Variants in ARHGAP44 observed in about 807,000 individuals in gnomAD.
ARHGAP44 encodes rho GTPase-activating protein 44.
ARHGAP44 carries 43 observed loss-of-function variants against 106.8 expected under a neutral mutation model. The observed-to-expected ratio is 0.40, with a 90% CI of 0.32 to 0.52. ARHGAP44 has a LOEUF of 0.52. ARHGAP44 is among the 20% of genes least tolerant of loss of function. The probability of loss-of-function intolerance (pLI) is 0.48; values close to 1 mark genes in which losing one functional copy is unlikely to be tolerated. For missense variants in ARHGAP44, 866 were observed against 1,050.5 expected, an observed-to-expected ratio of 0.82 and a Z score of 2.43; for synonymous variants, 439 against 410.3, an observed-to-expected ratio of 1.07 and a Z score of -0.85.
intron 1 of ARHGAP44, among the ~76,000 whole-genome samples, chr17:12,869,221 C>T (rs987662564): frequency 6.6e-6 from 1 of 151,928 alleles, no homozygotes; most frequent in African/African-American, 2.4e-5. Context: ...TATTTTGGAA[C>T]GAGCAAGAAA....
intron 1 of ARHGAP44, among the ~76,000 whole-genome samples, chr17:12,836,418 C>T (rs1247422689): frequency 6.6e-6 from 1 of 151,954 alleles, no homozygotes; most frequent in African/African-American, 2.4e-5. Flanking sequence ...GAGGCTGAGG[C>T]GGGCGGATCA....
chr17:12,848,790 G>T lies in ARHGAP44; in HGVS notation c.54-46150G>T, dbSNP rs573261957. Reference sequence around the variant, plus strand: ...AGGCTGGGCACGGTGGCTCATGCCTGTAATCCAGCACTTTGGGAGGCCAAG... The same window carrying T: ...AGGCTGGGCACGGTGGCTCATGCCTTTAATCCAGCACTTTGGGAGGCCAAG... On this transcript the variant is annotated intron_variant, in intron 1 of 20. Coordinates refer to ENST00000379672, the MANE Select transcript of ARHGAP44 (RefSeq NM_014859.6). Among the ~76,000 whole-genome samples the T allele has an allele frequency of 2.0e-5, 3 of 152,300 alleles. No individual in the cohort carries two copies. The East Asian group carries it at 5.8e-4, about 29-fold the overall frequency.
intron 1 of ARHGAP44, among the ~76,000 whole-genome samples, chr17:12,878,794 A>G (rs1265459569): frequency 6.6e-6 from 1 of 152,186 alleles, no homozygotes; most frequent in Non-Finnish European, 1.5e-5. Flanking sequence ...TCTTTTCCCC[A>G]GTCAGTAAAA....
At chr17:12,954,840 CT>C (rs1374095924) in intron 13 of ARHGAP44, among the ~76,000 whole-genome samples, 6 of 151,992 alleles carry the variant, frequency 3.9e-5, no homozygotes, top group African/African-American at 1.5e-4. Context: ...TTTGTTGGCT[CT>C]TTTTATAAAA....
At chr17:12,863,810 G>A (rs1204063063) in intron 1 of ARHGAP44, among the ~76,000 whole-genome samples, 2 of 152,130 alleles carry the variant, frequency 1.3e-5, no homozygotes. Context: ...TTTTCCTCTT[G>A]AATCTGCTAT....
chr17:12,789,992 C>G, intron 1 of ARHGAP44, 101 bp downstream of exon 1: 1 of 1,181,824 alleles, frequency 8.5e-7, no homozygotes, highest in Non-Finnish European at 1.2e-6. Flanking sequence ...TCCTCCTTGC[C>G]TCAGTCCTTT....
intron 7 of ARHGAP44, among the ~76,000 whole-genome samples, chr17:12,937,733 C>T (rs1234737326): frequency 6.6e-6 from 1 of 152,148 alleles, no homozygotes; most frequent in Non-Finnish European, 1.5e-5. Context: ...GTGTGATTTT[C>T]ACCAAGAAAA....
intron 18 of ARHGAP44, among the ~76,000 whole-genome samples, chr17:12,974,981 C>G (rs1341180779): frequency 1.3e-5 from 2 of 151,822 alleles, no homozygotes; most frequent in African/African-American, 2.4e-5. Context: ...TCCCAAGTAG[C>G]TGGGATTACA....
intron 1 of ARHGAP44, among the ~76,000 whole-genome samples, chr17:12,891,905 C>T (rs780675941): frequency 1.3e-4 from 20 of 151,710 alleles, no homozygotes; most frequent in Non-Finnish European, 2.2e-4. Flanking sequence ...AAGCGATTCT[C>T]CTGCCTCAGC....
At chr17:12,855,743 G>A (rs562698456) in intron 1 of ARHGAP44, among the ~76,000 whole-genome samples, 60 of 152,246 alleles carry the variant, frequency 3.9e-4, no homozygotes, top group African/African-American at 1.4e-3. Context: ...GTCCAATTAA[G>A]TGAGCGATTA....
chr17:12,910,920 A>G (rs1361321383), intron 4 of ARHGAP44, among the ~76,000 whole-genome samples: 3 of 152,066 alleles, frequency 2.0e-5, no homozygotes, highest in Middle Eastern at 3.2e-3. Context: ...AGTGTCAAAT[A>G]TGCATGTTAT....
intron 1 of ARHGAP44, among the ~76,000 whole-genome samples, chr17:12,883,364 CTATAT>C (rs2036792676): frequency 6.6e-6 from 1 of 150,952 alleles, no homozygotes; most frequent in Non-Finnish European, 1.5e-5. Context: ...ATGATTTTTA[CTATAT>C]TATTAGTTTC....
chr17:12,961,367 A>G (rs1222648207), intron 16 of ARHGAP44, among the ~76,000 whole-genome samples: 1 of 152,222 alleles, frequency 6.6e-6, no homozygotes, highest in Non-Finnish European at 1.5e-5. Flanking sequence ...GCCACCATCT[A>G]CTTTAAGAGT....
intron 4 of ARHGAP44, among the ~76,000 whole-genome samples, chr17:12,914,212 T>G (rs1409240966): frequency 1.3e-5 from 2 of 152,122 alleles, no homozygotes; most frequent in Non-Finnish European, 1.5e-5. Flanking sequence ...GAATGTAAAT[T>G]AAAACCAGAA....
chr17:12,867,358 T>C (rs1262950526), intron 1 of ARHGAP44, among the ~76,000 whole-genome samples: 4 of 152,126 alleles, frequency 2.6e-5, no homozygotes, highest in Non-Finnish European at 5.9e-5. Context: ...GTCATAGCCC[T>C]GCCCTGCTAG....
At chr17:12,879,873 GT>G (rs1467800042) in intron 1 of ARHGAP44, among the ~76,000 whole-genome samples, 1 of 151,730 alleles carries the variant, frequency 6.6e-6, no homozygotes, top group Non-Finnish European at 1.5e-5. Context: ...AACATATGTA[GT>G]CAATTAACAC....
intron 1 of ARHGAP44, among the ~76,000 whole-genome samples, chr17:12,846,974 G>T (rs2035587257): frequency 6.6e-6 from 1 of 152,162 alleles, no homozygotes; most frequent in Non-Finnish European, 1.5e-5. Flanking sequence ...GTCATTTAAG[G>T]TTAACCCACT....
chr17:12,904,132 A>C (rs1307273030), intron 3 of ARHGAP44, among the ~76,000 whole-genome samples: 3 of 151,946 alleles, frequency 2.0e-5, no homozygotes, highest in Non-Finnish European at 4.4e-5. Context: ...AATTTGAGAC[A>C]GTCTCGTTCT....
intron 1 of ARHGAP44, among the ~76,000 whole-genome samples, chr17:12,793,493 A>T (rs914238157): frequency 6.6e-6 from 1 of 152,176 alleles, no homozygotes; most frequent in African/African-American, 2.4e-5. Context: ...GGATCACCTG[A>T]GGTCAGGAGT....
Sources: gnomAD v4.1 joint callset for allele counts (sites outside exome capture counted in the v4.1 genomes callset) on GRCh38, gnomAD v4.1.1 for gene constraint, MANE v1.5 for transcripts, NCBI Gene and HGNC (gene_info 2026-07-23, HGNC 2026-07-21) for gene names.